SNCAIP: variants seen among roughly 807,000 people sequenced by gnomAD.
SNCAIP encodes the protein synphilin-1.
A neutral mutation model predicts 86.7 loss-of-function variants in SNCAIP; 43 were observed. The observed-to-expected ratio is 0.50, with a 90% CI of 0.39 to 0.64. The LOEUF is 0.64. Ranked by LOEUF, SNCAIP falls within the 30% of genes least tolerant of loss-of-function variation. The pLI is 0.00. For missense variants in SNCAIP, 981 were observed against 1,103.1 expected, an observed-to-expected ratio of 0.89 and a Z score of 1.57; for synonymous variants, 417 against 427.2, an observed-to-expected ratio of 0.98 and a Z score of 0.29.
intron 1 of SNCAIP, among the ~76,000 whole-genome samples, chr5:122,313,778 G>A (rs1343271655): frequency 1.3e-5 from 2 of 152,180 alleles, no homozygotes; most frequent in Non-Finnish European, 2.9e-5. Flanking sequence ...ACTGATCGCG[G>A]AAGTCTCTCT....
intron 1 of SNCAIP, among the ~76,000 whole-genome samples, chr5:122,350,327 A>T (rs1290638903): frequency 6.6e-6 from 1 of 152,212 alleles, no homozygotes; most frequent in Non-Finnish European, 1.5e-5. Flanking sequence ...ATCTTAATTC[A>T]GTTTCCCAGA....
chr5:122,376,659 A>T (rs1765391800), intron 1 of SNCAIP, among the ~76,000 whole-genome samples: 1 of 152,186 alleles, frequency 6.6e-6, no homozygotes. Context: ...ACAATATTCC[A>T]GTTCTCTTTA....
chr5:122,332,332 G>T (rs894265523), intron 1 of SNCAIP, among the ~76,000 whole-genome samples: 53 of 152,148 alleles, frequency 3.5e-4, no homozygotes, highest in African/African-American at 1.2e-3. Context: ...TGGAGTAAAG[G>T]TACATTTCTC....
intron 6 of SNCAIP, chr5:122,436,451 T>C (rs1043235020): frequency 6.6e-6 from 1 of 152,186 alleles, no homozygotes; most frequent in African/African-American, 2.4e-5. Context: ...ATTAGTAATG[T>C]ATAGGAGAAA....
At chr5:122,346,165 C>G (rs182312892) in intron 1 of SNCAIP, among the ~76,000 whole-genome samples, 37 of 152,208 alleles carry the variant, frequency 2.4e-4, no homozygotes, top group African/African-American at 8.7e-4. Context: ...TGACCTGGCC[C>G]TGCATTCCAG....
intron 1 of SNCAIP, among the ~76,000 whole-genome samples, chr5:122,332,766 A>G (rs1011382675): frequency 1.3e-5 from 2 of 152,152 alleles, no homozygotes; most frequent in Admixed American, 1.3e-4. Flanking sequence ...GAAGTGGGGA[A>G]TGGAGGGAGA....
intron 3 of SNCAIP, among the ~76,000 whole-genome samples, chr5:122,421,740 G>C (rs572794585): frequency 6.6e-6 from 1 of 152,268 alleles, no homozygotes; most frequent in East Asian, 1.9e-4. Flanking sequence ...TCAGTGGCCT[G>C]CAAGTTTCCA....
chr5:122,408,233 A>T (rs1290375297), intron 3 of SNCAIP, among the ~76,000 whole-genome samples: 3 of 152,188 alleles, frequency 2.0e-5, no homozygotes, highest in Non-Finnish European at 4.4e-5. Flanking sequence ...GCCCCACAGA[A>T]CAGTCCCCTG....
intron 8 of SNCAIP, among the ~76,000 whole-genome samples, chr5:122,449,055 G>A (rs1425829383): frequency 2.0e-5 from 3 of 151,814 alleles, no homozygotes; most frequent in Admixed American, 1.3e-4. Context: ...TAAATTTACC[G>A]TGGGTTTACA....
chr5:122,373,633 T>C (rs1210509121), intron 1 of SNCAIP, among the ~76,000 whole-genome samples: 1 of 152,222 alleles, frequency 6.6e-6, no homozygotes, highest in African/African-American at 2.4e-5. Flanking sequence ...TTTACAGACA[T>C]CCTTTCTTCT....
chr5:122,411,149 A>C (rs1216362354), intron 3 of SNCAIP, among the ~76,000 whole-genome samples: 1 of 152,194 alleles, frequency 6.6e-6, no homozygotes, highest in Non-Finnish European at 1.5e-5. Flanking sequence ...GGTAGAAATG[A>C]GTTAAAGGAA....
intron 2 of SNCAIP, among the ~76,000 whole-genome samples, chr5:122,403,324 TAGTCC>T (rs1328202590): frequency 6.6e-6 from 1 of 152,222 alleles, no homozygotes; most frequent in Non-Finnish European, 1.5e-5. Flanking sequence ...AACTTTTGCC[TAGTCC>T]AGTCAGCATC....
intron 7 of SNCAIP, among the ~76,000 whole-genome samples, chr5:122,443,283 T>A (rs1781485066): frequency 6.6e-6 from 1 of 152,244 alleles, no homozygotes; most frequent in Non-Finnish European, 1.5e-5. Context: ...GTTTGCAGTC[T>A]CATCATGATA....
chr5:122,333,964 G>T (rs968042961), intron 1 of SNCAIP, among the ~76,000 whole-genome samples: 7 of 152,160 alleles, frequency 4.6e-5, no homozygotes, highest in African/African-American at 1.7e-4. Flanking sequence ...GGTAAAGATG[G>T]GGGAGATGGA....
chr5:122,330,117 C>CTTTTTTTTTTTT lies in SNCAIP; in HGVS notation c.-47+17844_-47+17855dup, dbSNP rs1212303157. On this transcript the variant is annotated intron_variant, in intron 1 of 10. Coordinates refer to ENST00000261368, the MANE Select transcript of SNCAIP (RefSeq NM_005460.4). ...CTTACCTCCGTGTACAACTTCATTT[C>CTTTTTTTTTTTT]TTTTTTTTTTTTTTTTTTTTTTGAG... 1.9e-3 allele frequency among the ~76,000 whole-genome samples: 185 copies of CTTTTTTTTTTTT among 96,826 alleles called. 13 individuals are homozygous for CTTTTTTTTTTTT. Among genetic ancestry groups the CTTTTTTTTTTTT allele is most frequent in the African/African-American group, 7.7e-3 (179 of 23,258 alleles). 63.5% of individuals were successfully genotyped at this position (96,826 alleles called of 152,430 possible). A position where few individuals can be genotyped will look rare whatever the true frequency, so the allele number is the denominator to read the frequency against.
intron 8 of SNCAIP, among the ~76,000 whole-genome samples, chr5:122,449,068 C>A (rs115605179): frequency 0.015 from 2,268 of 152,064 alleles, 24 homozygotes; most frequent in South Asian, 0.046. Context: ...GGTTTACATC[C>A]CAATGAACAC....
chr5:122,380,087 A>G (rs371346625), intron 1 of SNCAIP, among the ~76,000 whole-genome samples: 13 of 151,674 alleles, frequency 8.6e-5, no homozygotes, highest in African/African-American at 2.7e-4. Context: ...CTCTTTTTCT[A>G]TTGATTGGAA....
Position 122,423,440 on chromosome 5 carries a change from G to C in SNCAIP, c.703G>C (p.Glu235Gln). 1 of 1,612,628 alleles carries C rather than the reference G, an allele frequency of 6.2e-7. No individual in the cohort carries two copies. The highest frequency in any genetic ancestry group is 1.3e-5 in the African/African-American group (1 of 74,454). ...IHDQHKLSTE[E>Q]TEISPPLVKC... is the part of the protein sequence containing the mutation. ...CGACCAGCACAAGCTGTCCACTGAA[G>C]AAACCGAGATCTCACCTCCTCTGGT... The change falls in exon 4 of 11, where the codon GAA (glutamate) becomes CAA (glutamine). Residue 235 changes from glutamate to glutamine, a missense_variant. Glu to Gln is a conservative substitution (Grantham distance 29). Coordinates refer to ENST00000261368, the MANE Select transcript of SNCAIP (RefSeq NM_005460.4).
intron 1 of SNCAIP, among the ~76,000 whole-genome samples, chr5:122,347,080 C>A: frequency 6.6e-6 from 1 of 151,952 alleles, no homozygotes; most frequent in East Asian, 1.9e-4. Context: ...GTGAGCTAAT[C>A]TTTATCATTA....
Sources: gnomAD v4.1 joint callset for allele counts (sites outside exome capture counted in the v4.1 genomes callset) on GRCh38, gnomAD v4.1.1 for gene constraint, MANE v1.5 for transcripts, NCBI Gene and HGNC (gene_info 2026-07-23, HGNC 2026-07-21) for gene names.